Variants in NBEA observed in about 807,000 individuals in gnomAD.
The protein encoded by NBEA is neurobeachin, also known as lysosomal-trafficking regulator 2.
Under a neutral mutation model 343.4 loss-of-function variants are expected in NBEA, and 44 were observed. The observed-to-expected ratio is 0.13, with a 90% CI of 0.10 to 0.16. The LOEUF is 0.16. NBEA is among the 10% of genes least tolerant of loss of function. The pLI, the probability that NBEA is intolerant of heterozygous loss-of-function variation, is 1.00. For missense variants in NBEA, 2,555 were observed against 3,631.3 expected (o/e 0.70, Z 7.62); for synonymous variants, 1,175 against 1,238.7 (o/e 0.95, Z 1.08).
intron 38 of NBEA, among the ~76,000 whole-genome samples, chr13:35,374,845 T>G (rs1042186496): frequency 6.6e-6 from 1 of 152,062 alleles, no homozygotes; most frequent in Non-Finnish European, 1.5e-5. Flanking sequence ...CGGTTTTCCT[T>G]TATTTTTCTC....
intron 1 of NBEA, among the ~76,000 whole-genome samples, chr13:34,966,634 TTCTC>T (rs1169542246): frequency 5.3e-5 from 8 of 150,018 alleles, no homozygotes; most frequent in Middle Eastern, 3.4e-3. Context: ...TTTTTTTTTT[TTCTC>T]TCTCTCTCTC....
intron 1 of NBEA, among the ~76,000 whole-genome samples, chr13:34,953,937 G>A (rs1001063586): frequency 2.0e-5 from 3 of 152,162 alleles, no homozygotes; most frequent in African/African-American, 7.2e-5. Context: ...AAGGGATCTA[G>A]GTTGTGCGCT....
chr13:35,056,281 G>C (rs1299182247), intron 7 of NBEA, among the ~76,000 whole-genome samples, 152 bp downstream of exon 7: 1 of 151,782 alleles, frequency 6.6e-6, no homozygotes, highest in Non-Finnish European at 1.5e-5. Flanking sequence ...GTTAAATTTA[G>C]TATAAGAAAA....
intron 34 of NBEA, among the ~76,000 whole-genome samples, chr13:35,274,110 C>A (rs2034401813): frequency 6.6e-6 from 1 of 152,074 alleles, no homozygotes; most frequent in Non-Finnish European, 1.5e-5. Flanking sequence ...GCAAAAAATT[C>A]TCAATAAAAT....
intron 34 of NBEA, among the ~76,000 whole-genome samples, chr13:35,267,222 A>T (rs763311608): frequency 4.7e-4 from 72 of 152,028 alleles, no homozygotes; most frequent in Admixed American, 3.3e-4. Flanking sequence ...TCAAGGGTCA[A>T]CTGTATTATA....
chr13:35,593,473 C>A (rs768471650), intron 47 of NBEA, 26 bp downstream of exon 47: 15 of 1,567,198 alleles, frequency 9.6e-6, no homozygotes, highest in Non-Finnish European at 1.2e-5. Flanking sequence ...TGTTGATATT[C>A]ATTAAATTTC....
chr13:34,999,304 T>G (rs1353081081), intron 1 of NBEA, among the ~76,000 whole-genome samples: 1 of 152,128 alleles, frequency 6.6e-6, no homozygotes, highest in African/African-American at 2.4e-5. Context: ...TCAGGGTAAA[T>G]AGGGTATCCA....
intron 23 of NBEA, 121 bp downstream of exon 23, chr13:35,162,088 T>C: frequency 2.6e-6 from 2 of 763,600 alleles, no homozygotes; most frequent in Non-Finnish European, 4.1e-6. Flanking sequence ...ACATTTTTCT[T>C]GTATCTTGTT....
At chr13:35,110,076 T>C (rs1213397735) in intron 12 of NBEA, among the ~76,000 whole-genome samples, 1 of 146,226 alleles carries the variant, frequency 6.8e-6, no homozygotes, top group Non-Finnish European at 1.5e-5. Context: ...TTTATTATAC[T>C]CTAAGTTTTA....
chr13:35,429,782 T>C (rs2044966600), intron 38 of NBEA, among the ~76,000 whole-genome samples: 1 of 144,026 alleles, frequency 6.9e-6, no homozygotes, highest in Admixed American at 7.1e-5. Context: ...CCTCCCACCC[T>C]TTCCCCTGAG....
chr13:35,667,252 C>G, intron 56 of NBEA, 122 bp from the exon 57 acceptor site: 1 of 780,356 alleles, frequency 1.3e-6, no homozygotes, highest in Non-Finnish European at 2.1e-6. Flanking sequence ...GCCAGCCTAC[C>G]TCTTTCCTGT....
chr13:34,977,345 G>C (rs1313448419), intron 1 of NBEA, among the ~76,000 whole-genome samples: 4 of 149,134 alleles, frequency 2.7e-5, no homozygotes, highest in African/African-American at 9.9e-5. Flanking sequence ...GTCTGTCTCT[G>C]TCGCCCAGGC....
At chr13:35,188,455 T>G (rs1593667819) in intron 30 of NBEA, among the ~76,000 whole-genome samples, 1 of 152,270 alleles carries the variant, frequency 6.6e-6, no homozygotes, top group East Asian at 1.9e-4. Context: ...TGAGTTCAAC[T>G]TTTTAAGATT....
At chr13:35,093,300 C>A (rs1468723353) in intron 10 of NBEA, among the ~76,000 whole-genome samples, 1 of 108,626 alleles carries the variant, frequency 9.2e-6, no homozygotes, top group Non-Finnish European at 1.9e-5. Flanking sequence ...ATTTAACATT[C>A]TCAAACTGGT....
At chr13:35,569,398 A>G (rs2080288119) in intron 45 of NBEA, among the ~76,000 whole-genome samples, 1 of 152,206 alleles carries the variant, frequency 6.6e-6, no homozygotes, top group African/African-American at 2.4e-5. Flanking sequence ...CAGAGTATAG[A>G]TTCTCAGGTA....
intron 36 of NBEA, among the ~76,000 whole-genome samples, chr13:35,344,472 A>G (rs978768915): frequency 1.3e-5 from 2 of 152,046 alleles, no homozygotes; most frequent in African/African-American, 4.8e-5. Context: ...ATTAACAAAG[A>G]TAAATGTTTA....
chr13:35,618,995 A>T (rs1362945342), intron 48 of NBEA, among the ~76,000 whole-genome samples: 1 of 151,810 alleles, frequency 6.6e-6, no homozygotes, highest in Admixed American at 6.6e-5. Flanking sequence ...CTCTGCTCAT[A>T]TTGTATTATA....
rs1459581000 is a variant in NBEA, at chr13:35,564,868, A to G, written c.6923-2037A>G. On this transcript the variant is annotated intron_variant, in intron 44 of 58. Coordinates refer to ENST00000379939, the MANE Select transcript of NBEA (RefSeq NM_001385012.1). ...TCCTTTACTTGACTTATATTTGTTC[A>G]TCTTCTGAAATTTGGGTCATTTTAT... is the stretch of plus-strand genomic sequence containing the variant. 4.6e-5 allele frequency among the ~76,000 whole-genome samples: 7 copies of G among 152,146 alleles called. No individual in the cohort carries two copies. In the East Asian group the frequency reaches 1.4e-3, roughly 29 times the overall value.
chr13:35,410,764 AAAG>A (rs1327944011), intron 38 of NBEA, among the ~76,000 whole-genome samples: 1 of 152,146 alleles, frequency 6.6e-6, no homozygotes, highest in Non-Finnish European at 1.5e-5. Context: ...TAGGAAACAA[AAAG>A]AAGTTACAAG....
Sources: allele counts gnomAD v4.1 joint callset (sites outside exome capture counted in the v4.1 genomes callset), GRCh38; gene constraint gnomAD v4.1.1; transcripts MANE v1.5; gene names NCBI Gene and HGNC (gene_info 2026-07-23, HGNC 2026-07-21).